Variants in B3GALT1 observed in about 807,000 individuals in gnomAD.
B3GALT1 encodes the protein beta-1,3-galactosyltransferase 1.
A neutral mutation model predicts 23.2 loss-of-function variants in B3GALT1; 10 were observed. The observed-to-expected ratio is 0.43, with a 90% CI of 0.27 to 0.73. The LOEUF is 0.73. Ranked by LOEUF, B3GALT1 falls within the 30% of genes least tolerant of loss-of-function variation. The pLI, the probability that B3GALT1 is intolerant of heterozygous loss-of-function variation, is 0.21. For missense variants in B3GALT1, 299 were observed against 405.4 expected, an observed-to-expected ratio of 0.74 and a Z score of 2.25; for synonymous variants, 156 against 141.5, an observed-to-expected ratio of 1.10 and a Z score of -0.73.
At chr2:167,842,905 T>A (rs1047114776) in intron 4 of B3GALT1, among the ~76,000 whole-genome samples, 4 of 152,164 alleles carry the variant, frequency 2.6e-5, no homozygotes, top group Non-Finnish European at 5.9e-5. Context: ...CACTATTGTG[T>A]TCCAAGGCTG....
chr2:167,774,269 T>C (rs1163915187), intron 3 of B3GALT1, among the ~76,000 whole-genome samples: 1 of 152,162 alleles, frequency 6.6e-6, no homozygotes, highest in Non-Finnish European at 1.5e-5. Flanking sequence ...TACATATGTA[T>C]TTAAGAGTCA....
In B3GALT1 at chr2:167,488,423, G is replaced by A. The variant is rs78138295; in HGVS notation, c.-510-1754G>A. The stretch of plus-strand genomic sequence containing the variant: ...TAACCATTATTTTTTCTAGCACACT[G>A]CCATTGTATTAATTCTGGGTATATG... On this transcript the variant is annotated intron_variant, in intron 1 of 4. Transcript: ENST00000392690. Among the ~76,000 whole-genome samples the A allele has an allele frequency of 2.8e-3, 426 of 152,264 alleles. 16 individuals carry two copies. The East Asian group carries it at 0.063, about 23-fold the overall frequency.
chr2:167,583,703 T>A (rs1330519371), intron 2 of B3GALT1, among the ~76,000 whole-genome samples: 1 of 152,338 alleles, frequency 6.6e-6, no homozygotes, highest in East Asian at 1.9e-4. Context: ...ATTTGTCAGA[T>A]CTTAATCACT....
chr2:167,544,364 G>A (rs537908172), intron 2 of B3GALT1, among the ~76,000 whole-genome samples: 3 of 152,030 alleles, frequency 2.0e-5, no homozygotes, highest in East Asian at 1.9e-4. Flanking sequence ...GCATGATCTC[G>A]GTTCACTGCA....
intron 2 of B3GALT1, among the ~76,000 whole-genome samples, chr2:167,597,319 G>T (rs1684796843): frequency 6.6e-6 from 1 of 151,954 alleles, no homozygotes; most frequent in Non-Finnish European, 1.5e-5. Flanking sequence ...GTTTCACCGT[G>T]TTAAACAAGA....
At chr2:167,295,758 T>C (rs1696339656) in intron 1 of B3GALT1, among the ~76,000 whole-genome samples, 1 of 141,672 alleles carries the variant, frequency 7.1e-6, no homozygotes, top group African/African-American at 2.9e-5. Flanking sequence ...ATTTTAAGGT[T>C]GTGTGTGTAC....
At chr2:167,519,946 C>T (rs752562216) in intron 2 of B3GALT1, among the ~76,000 whole-genome samples, 1 of 151,594 alleles carries the variant, frequency 6.6e-6, no homozygotes, top group African/African-American at 2.4e-5. Flanking sequence ...GTGGTGGGCA[C>T]CTGTAATTCC....
At chr2:167,834,876 A>G (rs1574289602) in intron 4 of B3GALT1, among the ~76,000 whole-genome samples, 1 of 152,298 alleles carries the variant, frequency 6.6e-6, no homozygotes, top group East Asian at 1.9e-4. Flanking sequence ...TAAACTAGTT[A>G]CACTCATAAA....
chr2:167,812,984 A>ACACCT (rs1688920715), intron 3 of B3GALT1, among the ~76,000 whole-genome samples: 1 of 89,814 alleles, frequency 1.1e-5, no homozygotes, highest in Non-Finnish European at 2.0e-5. Flanking sequence ...CACACGCACC[A>ACACCT]CCACCACCCC....
intron 2 of B3GALT1, among the ~76,000 whole-genome samples, chr2:167,621,294 C>T (rs1460417152): frequency 6.6e-6 from 1 of 151,878 alleles, no homozygotes; most frequent in African/African-American, 2.4e-5. Context: ...ATACGTTGCC[C>T]AGGCTGGTCT....
intron 2 of B3GALT1, among the ~76,000 whole-genome samples, chr2:167,526,247 A>G (rs1558893209): frequency 1.3e-5 from 2 of 152,142 alleles, no homozygotes; most frequent in Admixed American, 1.3e-4. Context: ...CTCTGTTTAT[A>G]TATTAAGGTA....
At chr2:167,546,503 C>T (rs939081441) in intron 2 of B3GALT1, among the ~76,000 whole-genome samples, 1 of 152,140 alleles carries the variant, frequency 6.6e-6, no homozygotes, top group African/African-American at 2.4e-5. Context: ...CTGAGGCAAA[C>T]AAAGGTACTC....
intron 1 of B3GALT1, among the ~76,000 whole-genome samples, chr2:167,440,343 T>TG (rs1559096995): frequency 1.9e-5 from 2 of 105,678 alleles, no homozygotes; most frequent in African/African-American, 4.9e-5. Flanking sequence ...AGACTCTGTC[T>TG]GAAAAAAAAA....
intron 3 of B3GALT1, among the ~76,000 whole-genome samples, chr2:167,738,011 C>G (rs1160506298): frequency 6.6e-6 from 1 of 152,200 alleles, no homozygotes. Flanking sequence ...CCAAGACTAT[C>G]TGCTGAAGTT....
At chr2:167,631,960 A>T (rs940166727) in intron 2 of B3GALT1, among the ~76,000 whole-genome samples, 2 of 151,110 alleles carry the variant, frequency 1.3e-5, no homozygotes, top group African/African-American at 4.9e-5. Context: ...CCACCCACTG[A>T]CAGGCCCCGG....
At chr2:167,789,157 C>T (rs1055049654) in intron 3 of B3GALT1, among the ~76,000 whole-genome samples, 1 of 152,174 alleles carries the variant, frequency 6.6e-6, no homozygotes, top group East Asian at 1.9e-4. Flanking sequence ...TTTGAGGCAT[C>T]GGAAGACAGG....
intron 2 of B3GALT1, among the ~76,000 whole-genome samples, chr2:167,498,228 C>G (rs1253986694): frequency 6.6e-6 from 1 of 152,100 alleles, no homozygotes; most frequent in Non-Finnish European, 1.5e-5. Flanking sequence ...AAAGCTTGTG[C>G]TTTATTAATG....
chr2:167,341,263 G>T (rs532796496), intron 1 of B3GALT1, among the ~76,000 whole-genome samples: 1 of 152,204 alleles, frequency 6.6e-6, no homozygotes, highest in Non-Finnish European at 1.5e-5. Context: ...GCTTCAGTGA[G>T]ATGTGAGTGT....
chr2:167,770,701 G>T (rs1204194430), intron 3 of B3GALT1, among the ~76,000 whole-genome samples: 2 of 152,030 alleles, frequency 1.3e-5, no homozygotes, highest in Admixed American at 6.5e-5. Context: ...CTTACCCAAG[G>T]TCACAAAGAT....
Sources: gnomAD v4.1 joint callset for allele counts (sites outside exome capture counted in the v4.1 genomes callset) on GRCh38, gnomAD v4.1.1 for gene constraint, MANE v1.5 for transcripts, NCBI Gene and HGNC (gene_info 2026-07-23, HGNC 2026-07-21) for gene names.